The following CFAP54 variants were observed in gnomAD, a reference collection of about 807,000 sequenced individuals.
The protein encoded by CFAP54 is cilia and flagella associated protein 54.
A neutral mutation model predicts 370.4 loss-of-function variants in CFAP54; 290 were observed. That is an observed-to-expected ratio of 0.78 (90% confidence interval 0.71 to 0.86). CFAP54 has a LOEUF of 0.86. CFAP54 is among the 40% of genes least tolerant of loss of function. The pLI, the probability that CFAP54 is intolerant of heterozygous loss-of-function variation, is 0.00. For synonymous variants in CFAP54, 1,206 were observed against 1,236.5 expected (o/e 0.98, Z 0.52); for missense variants, 3,399 against 3,528.7 (o/e 0.96, Z 0.93).
At chr12:96,617,702 T>G (rs905174843) in intron 26 of CFAP54, among the ~76,000 whole-genome samples, 1 of 152,124 alleles carries the variant, frequency 6.6e-6, no homozygotes. Flanking sequence ...AGAATATATT[T>G]ATCTGCGGGC....
Position 96,728,453 on chromosome 12 carries a change from T to A in CFAP54, c.6965+7888T>A, listed in dbSNP as rs1488699431. ...CATCTTCCATCACTGATACCCTTTCTTCCAGTTGATCGCATCAGCTCCTGA... is the reference window on the plus strand; with the variant it reads ...CATCTTCCATCACTGATACCCTTTCATCCAGTTGATCGCATCAGCTCCTGA... On this transcript the variant is annotated intron_variant, in intron 50 of 67. Coordinates refer to ENST00000524981, the MANE Select transcript of CFAP54 (RefSeq NM_001306084.2). Among the ~76,000 whole-genome samples, 111 of 152,356 alleles carry A rather than the reference T, an allele frequency of 7.3e-4. 1 individual carries two copies. In the East Asian group the frequency reaches 0.02, roughly 28 times the overall value.
At chr12:96,628,433 C>T (rs1399880749) in intron 30 of CFAP54, among the ~76,000 whole-genome samples, 1 of 152,108 alleles carries the variant, frequency 6.6e-6, no homozygotes, top group Non-Finnish European at 1.5e-5. Context: ...CTAAATGTGA[C>T]CTCCTCTCCT....
chr12:96,711,350 T>C (rs980376719), intron 48 of CFAP54, among the ~76,000 whole-genome samples: 1 of 152,184 alleles, frequency 6.6e-6, no homozygotes, highest in African/African-American at 2.4e-5. Flanking sequence ...TTTCTTCTAC[T>C]TTTTCTTCTG....
intron 64 of CFAP54, among the ~76,000 whole-genome samples, chr12:96,813,224 T>G (rs1314836022): frequency 2.0e-5 from 3 of 152,204 alleles, no homozygotes; most frequent in Non-Finnish European, 2.9e-5. Context: ...GTAGGGTTAC[T>G]AAAATTAGTG....
At chr12:96,650,454 T>G (rs1956846316) in intron 35 of CFAP54, among the ~76,000 whole-genome samples, 1 of 152,138 alleles carries the variant, frequency 6.6e-6, no homozygotes, top group African/African-American at 2.4e-5. Flanking sequence ...GTACCATAGA[T>G]CTCTCTTTTC....
In CFAP54 at chr12:96,526,885, G is replaced by GTTTTT. The variant is rs34080505; in HGVS notation, c.1159-342_1159-338dup. ...CTTACTTTTCTTTGCCTTATAACAGGTTTTTTTTTTTTTTTTTTTTTTTGC... is the reference window on the plus strand; with the variant it reads ...CTTACTTTTCTTTGCCTTATAACAGGTTTTTTTTTTTTTTTTTTTTTTTTTTTTGC... On this transcript the variant is annotated intron_variant, in intron 8 of 67. Transcript: ENST00000524981. Among the ~76,000 whole-genome samples, 253 of 97,686 alleles carry GTTTTT rather than the reference G, an allele frequency of 2.6e-3. 8 individuals carry two copies. Among genetic ancestry groups the GTTTTT allele is most frequent in the Non-Finnish European group, 3.1e-3 (158 of 50,988 alleles). 64.1% of individuals were successfully genotyped at this position (97,686 alleles called of 152,430 possible).
chr12:96,695,828 T>C (rs190134875), intron 45 of CFAP54, among the ~76,000 whole-genome samples: 3 of 152,326 alleles, frequency 2.0e-5, no homozygotes, highest in African/African-American at 7.2e-5. Context: ...ACAACATTTA[T>C]TGAGTACTTT....
At chr12:96,643,994 G>A (rs1956762472) in intron 32 of CFAP54, among the ~76,000 whole-genome samples, 184 bp from the exon 33 acceptor site, 1 of 152,200 alleles carries the variant, frequency 6.6e-6, no homozygotes, top group East Asian at 1.9e-4. Flanking sequence ...TTATCCCTGT[G>A]CCTTTTTTTA....
chr12:96,689,044 A>C (rs1021537674), intron 43 of CFAP54, 62 bp downstream of exon 43: 2 of 1,072,890 alleles, frequency 1.9e-6, no homozygotes, highest in African/African-American at 3.3e-5. Flanking sequence ...ATCAGTAAAA[A>C]AAAGTTTATC....
chr12:96,755,996 C>T (rs868615814), intron 56 of CFAP54, among the ~76,000 whole-genome samples: 3 of 151,990 alleles, frequency 2.0e-5, no homozygotes, highest in African/African-American at 7.3e-5. Flanking sequence ...ATGCACCTGT[C>T]GAAGGGTACT....
At position 96,505,889 on chromosome 12, in the gene CFAP54, G is replaced by A. The variant is rs141008192; in HGVS notation, c.568-1039G>A. Among the ~76,000 whole-genome samples the A allele has an allele frequency of 1.9e-3, 294 of 152,292 alleles. 2 individuals are homozygous for A. The highest frequency in any genetic ancestry group is 6.8e-3 in the African/African-American group (283 of 41,564). The stretch of plus-strand genomic sequence containing the variant: ...AACTGTTTTCCCTCCTCTAAGAGCA[G>A]TGTCCGTTTCTTCCTCATCCTAGAG... On this transcript the variant is annotated intron_variant, in intron 3 of 67. Coordinates refer to ENST00000524981, the MANE Select transcript of CFAP54 (RefSeq NM_001306084.2).
chr12:96,518,936 G>A lies in CFAP54; in HGVS notation c.807G>A (p.Glu269=). 1 of 1,534,562 alleles carries A rather than the reference G, an allele frequency of 6.5e-7. No homozygotes were observed. ...MVIGQSSKAL[E]YLLWASMCME... The stretch of plus-strand genomic sequence containing the variant: ...TGCCCTTTATTTTGCAGGCCTTAGA[G>A]TATCTCCTGTGGGCCAGCATGTGTA... The change falls in exon 6 of 68, where the codon GAG becomes GAA. Residue 269 remains glutamate, a synonymous_variant. Coordinates refer to ENST00000524981, the MANE Select transcript of CFAP54 (RefSeq NM_001306084.2).
At chr12:96,506,867 G>A in intron 3 of CFAP54, 61 bp from the exon 4 acceptor site, 1 of 1,423,576 alleles carries the variant, frequency 7.0e-7, no homozygotes, top group Admixed American at 2.3e-5. Flanking sequence ...GATTACAGGT[G>A]TGAGCTACTG....
At chr12:96,705,642 G>T (rs568688464) in intron 47 of CFAP54, among the ~76,000 whole-genome samples, 6 of 152,024 alleles carry the variant, frequency 3.9e-5, no homozygotes, top group African/African-American at 7.2e-5. Context: ...TCTGTCTGAT[G>T]ATTTCTTTTT....
At chr12:96,622,006 T>A (rs945500148) in intron 27 of CFAP54, among the ~76,000 whole-genome samples, 10 of 149,110 alleles carry the variant, frequency 6.7e-5, no homozygotes, top group African/African-American at 2.2e-4. Context: ...GAGAGCTTCT[T>A]ACACCCAGTT....
At chr12:96,854,988 G>C (rs1011043331) in intron 66 of CFAP54, among the ~76,000 whole-genome samples, 2 of 152,162 alleles carry the variant, frequency 1.3e-5, no homozygotes, top group Non-Finnish European at 2.9e-5. Flanking sequence ...TTGAATCACA[G>C]TTCTGCAGAA....
chr12:96,724,725 G>A (rs1957808287), intron 50 of CFAP54, among the ~76,000 whole-genome samples: 4 of 152,166 alleles, frequency 2.6e-5, no homozygotes, highest in Admixed American at 2.0e-4. Flanking sequence ...ATTGCTATTG[G>A]TATTTTAGAC....
At chr12:96,504,567 T>C (rs1016572368) in intron 3 of CFAP54, among the ~76,000 whole-genome samples, 5 of 152,220 alleles carry the variant, frequency 3.3e-5, no homozygotes, top group African/African-American at 1.2e-4. Context: ...GCAGCCTCAT[T>C]AAAGTCCTAA....
intron 5 of CFAP54, among the ~76,000 whole-genome samples, chr12:96,517,754 T>C (rs1955253819): frequency 6.6e-6 from 1 of 152,206 alleles, no homozygotes. Flanking sequence ...GGTCTAGCCA[T>C]ACACCCTGAA....
Sources: allele counts gnomAD v4.1 joint callset (sites outside exome capture counted in the v4.1 genomes callset), GRCh38; gene constraint gnomAD v4.1.1; transcripts MANE v1.5; gene names NCBI Gene and HGNC (gene_info 2026-07-23, HGNC 2026-07-21).